LARGE1: variants seen among roughly 807,000 people sequenced by gnomAD.
The protein encoded by LARGE1 is xylosyl- and glucuronyltransferase LARGE1.
A neutral mutation model predicts 87.6 loss-of-function variants in LARGE1; 43 were observed. That is an observed-to-expected ratio of 0.49 (90% CI 0.38 to 0.63). The LOEUF is 0.63. LARGE1 is among the 30% of genes least tolerant of loss of function. LARGE1 has a pLI of 0.00. For missense variants in LARGE1, 802 were observed against 1,000.2 expected (o/e 0.80, Z 2.67); for synonymous variants, 434 against 394.6 (o/e 1.10, Z -1.18).
chr22:33,370,703 T>C (rs756597198), intron 9 of LARGE1, among the ~76,000 whole-genome samples: 12 of 151,684 alleles, frequency 7.9e-5, no homozygotes, highest in Admixed American at 2.6e-4. Flanking sequence ...ATATGTTATG[T>C]TGTATTTACA....
chr22:33,888,966 A>G (rs1601856676), intron 1 of LARGE1, among the ~76,000 whole-genome samples: 1 of 152,226 alleles, frequency 6.6e-6, no homozygotes, highest in Non-Finnish European at 1.5e-5. Flanking sequence ...TAGCTTACTT[A>G]AAGTCAGTTA....
chr22:33,889,858 AAC>A (rs1312214639), intron 1 of LARGE1, among the ~76,000 whole-genome samples: 3 of 152,114 alleles, frequency 2.0e-5, no homozygotes, highest in Non-Finnish European at 4.4e-5. Context: ...CGGTGCCAGA[AAC>A]ACAGTGTGAA....
At chr22:33,307,704 G>C (rs1308643507) in intron 11 of LARGE1, among the ~76,000 whole-genome samples, 2 of 152,066 alleles carry the variant, frequency 1.3e-5, no homozygotes, top group African/African-American at 4.8e-5. Context: ...ACAAACCAGA[G>C]TTTGATTAGG....
chr22:33,219,140 T>TG (rs1925343938), intron 11 of LARGE1, among the ~76,000 whole-genome samples: 1 of 152,110 alleles, frequency 6.6e-6, no homozygotes, highest in East Asian at 1.9e-4. Context: ...GCACTGAAAT[T>TG]GGGGAGTTTA....
intron 1 of LARGE1, among the ~76,000 whole-genome samples, chr22:33,875,448 G>A (rs938765884): frequency 6.6e-6 from 1 of 152,186 alleles, no homozygotes; most frequent in Non-Finnish European, 1.5e-5. Flanking sequence ...AGAGGGCTGT[G>A]CCACAGAGAG....
At chr22:33,277,980 TGA>T (rs777226302) in intron 13 of LARGE1, among the ~76,000 whole-genome samples, 41 of 152,166 alleles carry the variant, frequency 2.7e-4, no homozygotes, top group East Asian at 7.7e-4. Flanking sequence ...GCTCTCCCCT[TGA>T]GGCAGAACCT....
intron 11 of LARGE1, among the ~76,000 whole-genome samples, chr22:33,170,330 C>T (rs1028715165): frequency 6.6e-6 from 1 of 152,064 alleles, no homozygotes; most frequent in African/African-American, 2.4e-5. Context: ...GATCATGCCA[C>T]TGCACCCTGG....
intron 6 of LARGE1, among the ~76,000 whole-genome samples, chr22:33,532,589 G>A (rs1365674842): frequency 6.6e-6 from 1 of 152,226 alleles, no homozygotes; most frequent in East Asian, 1.9e-4. Context: ...ACAGAGGCTG[G>A]CTGTCACCAA....
intron 6 of LARGE1, among the ~76,000 whole-genome samples, chr22:33,447,142 T>A (rs8139018): frequency 0.052 from 7,981 of 152,196 alleles, 662 homozygotes; most frequent in African/African-American, 0.18. Flanking sequence ...GATCCACCCG[T>A]CTTGGCCTCC....
chr22:33,669,040 G>A (rs1050030327), intron 2 of LARGE1, among the ~76,000 whole-genome samples: 9 of 152,204 alleles, frequency 5.9e-5, no homozygotes, highest in Non-Finnish European at 1.3e-4. Flanking sequence ...TACGTTACTG[G>A]CATCTCCCAG....
chr22:33,710,750 G>A (rs1049280875), intron 2 of LARGE1, among the ~76,000 whole-genome samples: 3 of 152,098 alleles, frequency 2.0e-5, no homozygotes, highest in Non-Finnish European at 2.9e-5. Flanking sequence ...CAGGTACATC[G>A]ATCCAAGTGT....
intron 7 of LARGE1, among the ~76,000 whole-genome samples, chr22:33,420,816 T>C (rs866649671): frequency 6.6e-6 from 1 of 152,182 alleles, no homozygotes; most frequent in African/African-American, 2.4e-5. Flanking sequence ...CCAAATACCT[T>C]ACCTGGGCAA....
chr22:33,253,003 G>C (rs1029542007), intron 11 of LARGE1, among the ~76,000 whole-genome samples: 7 of 152,172 alleles, frequency 4.6e-5, no homozygotes, highest in Non-Finnish European at 8.8e-5. Flanking sequence ...AGTCTGGGCT[G>C]GCCATTAGAA....
intron 2 of LARGE1, among the ~76,000 whole-genome samples, chr22:33,709,011 G>A (rs548832204): frequency 6.6e-6 from 1 of 152,166 alleles, no homozygotes; most frequent in African/African-American, 2.4e-5. Context: ...TTCTTATAGG[G>A]ACACCAGTCG....
rs727503994 is a variant in LARGE1, at chr22:33,761,405, G to A, written c.72C>T (p.Ile24=). The A allele has an allele frequency of 1.9e-6, 3 of 1,613,992 alleles. No individual in the cohort carries two copies. Among genetic ancestry groups the A allele is most frequent in the Non-Finnish European group, 2.5e-6 (3 of 1,179,990 alleles). The change falls in exon 2 of 15, where the codon ATC becomes ATT. Residue 24 remains isoleucine, a synonymous_variant. Transcript: ENST00000397394. ...TCCCAGAAAACAGGTAAATCCAGGT[G>A]ATGGCTGGGATGCAGAGAAGACTCA... The part of the protein sequence containing the change: ...ASLSLLCIPA[I]TWIYLFSGSF...
At chr22:33,810,233 A>C (rs1212130086) in intron 1 of LARGE1, among the ~76,000 whole-genome samples, 3 of 152,224 alleles carry the variant, frequency 2.0e-5, no homozygotes, top group Admixed American at 1.3e-4. Context: ...ATTGGTTGAG[A>C]GAGTTTACAC....
intron 1 of LARGE1, among the ~76,000 whole-genome samples, chr22:33,883,320 G>A (rs1356471662): frequency 6.6e-6 from 1 of 152,132 alleles, no homozygotes; most frequent in African/African-American, 2.4e-5. Context: ...AGTGTAATAA[G>A]ACAAAGTAAC....
At chr22:33,402,204 T>C (rs1248234566) in intron 7 of LARGE1, among the ~76,000 whole-genome samples, 1 of 152,172 alleles carries the variant, frequency 6.6e-6, no homozygotes, top group Non-Finnish European at 1.5e-5. Flanking sequence ...CTGATGACAT[T>C]GGCTTTGGTA....
At chr22:33,802,020 ATAAC>A (rs886580578) in intron 1 of LARGE1, among the ~76,000 whole-genome samples, 1 of 147,910 alleles carries the variant, frequency 6.8e-6, no homozygotes, top group Non-Finnish European at 1.5e-5. Context: ...AAAATGCCTG[ATAAC>A]TAACTCTGGA....
Sources: gnomAD v4.1 joint callset for allele counts (sites outside exome capture counted in the v4.1 genomes callset) on GRCh38, gnomAD v4.1.1 for gene constraint, MANE v1.5 for transcripts, NCBI Gene and HGNC (gene_info 2026-07-23, HGNC 2026-07-21) for gene names.